Variants in CACNA2D3 observed in about 807,000 individuals in gnomAD.
CACNA2D3 encodes voltage-dependent calcium channel subunit alpha-2/delta-3.
A neutral mutation model predicts 160.6 loss-of-function variants in CACNA2D3; 60 were observed. The observed-to-expected ratio is 0.37, with a 90% CI of 0.30 to 0.46. The LOEUF is 0.46. Among genes scored for constraint, CACNA2D3 ranks in the 20% least tolerant of loss-of-function variants. The probability of loss-of-function intolerance (pLI) is 1.00; values close to 1 mark genes in which losing one functional copy is unlikely to be tolerated. For synonymous variants in CACNA2D3, 558 were observed against 492.9 expected, an observed-to-expected ratio of 1.13 and a Z score of -1.75; for missense variants, 1,205 against 1,365.0, an observed-to-expected ratio of 0.88 and a Z score of 1.85.
intron 2 of CACNA2D3, among the ~76,000 whole-genome samples, chr3:54,236,655 G>T (rs915691356): frequency 2.6e-5 from 4 of 152,086 alleles, no homozygotes; most frequent in Non-Finnish European, 5.9e-5. Flanking sequence ...GAAAATTCTT[G>T]CCGGGGTCAT....
At chr3:54,327,859 T>C (rs928197182) in intron 3 of CACNA2D3, among the ~76,000 whole-genome samples, 1 of 152,192 alleles carries the variant, frequency 6.6e-6, no homozygotes, top group Non-Finnish European at 1.5e-5. Flanking sequence ...TCTAAAACAT[T>C]GGATTATTCT....
intron 4 of CACNA2D3, among the ~76,000 whole-genome samples, chr3:54,499,788 G>A (rs536356999): frequency 2.0e-5 from 3 of 152,150 alleles, no homozygotes; most frequent in East Asian, 3.9e-4. Flanking sequence ...GTGAAGATGT[G>A]TTTTAGGGCC....
At chr3:54,679,683 A>T (rs1451899700) in intron 11 of CACNA2D3, among the ~76,000 whole-genome samples, 1 of 152,370 alleles carries the variant, frequency 6.6e-6, no homozygotes, top group South Asian at 2.1e-4. Context: ...ATTCAGGACC[A>T]TGCAGACCAT....
intron 9 of CACNA2D3, among the ~76,000 whole-genome samples, chr3:54,596,559 A>C (rs1325757605): frequency 6.6e-6 from 1 of 151,996 alleles, no homozygotes; most frequent in African/African-American, 2.4e-5. Flanking sequence ...CCCAGCTTGG[A>C]TGGTTGGATC....
intron 3 of CACNA2D3, among the ~76,000 whole-genome samples, chr3:54,364,416 G>A (rs1437628823): frequency 6.6e-6 from 1 of 152,120 alleles, no homozygotes; most frequent in East Asian, 1.9e-4. Context: ...TGTTTTGTAG[G>A]CTTTAAGAAC....
chr3:54,229,475 G>A (rs1701731874), intron 2 of CACNA2D3, among the ~76,000 whole-genome samples: 1 of 152,136 alleles, frequency 6.6e-6, no homozygotes, highest in African/African-American at 2.4e-5. Flanking sequence ...TTACAGGCGT[G>A]AGCCACCGTG....
At chr3:54,738,322 G>A (rs1358552927) in intron 11 of CACNA2D3, among the ~76,000 whole-genome samples, 1 of 152,136 alleles carries the variant, frequency 6.6e-6, no homozygotes, top group East Asian at 1.9e-4. Flanking sequence ...TCTAGGAAAA[G>A]CTCTAGTCTC....
intron 35 of CACNA2D3, among the ~76,000 whole-genome samples, chr3:55,052,357 TCTAA>T (rs757941735): frequency 6.6e-6 from 1 of 152,006 alleles, no homozygotes; most frequent in Non-Finnish European, 1.5e-5. Context: ...CAAAACATGA[TCTAA>T]CTTTGTGAAT....
intron 4 of CACNA2D3, among the ~76,000 whole-genome samples, chr3:54,452,812 A>G (rs1377820998): frequency 2.6e-5 from 4 of 152,178 alleles, no homozygotes; most frequent in Admixed American, 6.5e-5. Context: ...GGGAAGAATT[A>G]TCCCTTGCCT....
At chr3:54,946,377 G>T (rs1701614851) in intron 27 of CACNA2D3, among the ~76,000 whole-genome samples, 1 of 152,146 alleles carries the variant, frequency 6.6e-6, no homozygotes, top group Admixed American at 6.6e-5. Context: ...AGAGATTTTA[G>T]CCCAGGGAAC....
intron 11 of CACNA2D3, among the ~76,000 whole-genome samples, chr3:54,677,687 T>C (rs1031119511): frequency 6.6e-6 from 1 of 152,124 alleles, no homozygotes; most frequent in Non-Finnish European, 1.5e-5. Context: ...TCATGTTTTA[T>C]TATCATGAAA....
chr3:54,790,998 T>C (rs1702744227), intron 13 of CACNA2D3, among the ~76,000 whole-genome samples: 1 of 152,054 alleles, frequency 6.6e-6, no homozygotes, highest in Admixed American at 6.5e-5. Flanking sequence ...CATTGGCCTA[T>C]CGGTACTTCA....
At chr3:55,053,783 C>A (rs1360920788) in intron 35 of CACNA2D3, among the ~76,000 whole-genome samples, 3 of 151,868 alleles carry the variant, frequency 2.0e-5, no homozygotes, top group Non-Finnish European at 4.4e-5. Flanking sequence ...TCCTTTCTTG[C>A]CTTACTGCAC....
chr3:54,850,717 A>G (rs1203351955), intron 17 of CACNA2D3, among the ~76,000 whole-genome samples: 1 of 152,212 alleles, frequency 6.6e-6, no homozygotes, highest in Admixed American at 6.5e-5. Flanking sequence ...GCAGGGTTCC[A>G]CAGAGGAGCC....
chr3:54,837,826 C>A (rs1013008186), intron 15 of CACNA2D3, among the ~76,000 whole-genome samples: 1 of 152,164 alleles, frequency 6.6e-6, no homozygotes, highest in Non-Finnish European at 1.5e-5. Context: ...GTAAGGAAAT[C>A]AGTCATGGGA....
chr3:54,251,528 C>T (rs1007741409), intron 2 of CACNA2D3, among the ~76,000 whole-genome samples: 2 of 152,184 alleles, frequency 1.3e-5, no homozygotes, highest in Admixed American at 1.3e-4. Context: ...TGAGGATCTG[C>T]AGACGGTGGC....
intron 4 of CACNA2D3, among the ~76,000 whole-genome samples, chr3:54,467,769 G>A (rs1009314339): frequency 6.6e-5 from 10 of 152,128 alleles, no homozygotes; most frequent in Non-Finnish European, 1.2e-4. Flanking sequence ...TGATAGGTAC[G>A]AACTACAGTT....
intron 2 of CACNA2D3, among the ~76,000 whole-genome samples, chr3:54,316,713 C>A (rs746908353): frequency 6.6e-6 from 1 of 152,194 alleles, no homozygotes. Flanking sequence ...GACAACCTGC[C>A]GTAAAGCCAG....
intron 6 of CACNA2D3, 125 bp downstream of exon 6, chr3:54,563,056 C>A: frequency 2.2e-6 from 2 of 896,466 alleles, no homozygotes; most frequent in Non-Finnish European, 3.3e-6. Flanking sequence ...AGATGAATTC[C>A]AAACCTATTG....
Sources: allele counts gnomAD v4.1 joint callset (sites outside exome capture counted in the v4.1 genomes callset), GRCh38; gene constraint gnomAD v4.1.1; transcripts MANE v1.5; gene names NCBI Gene and HGNC (gene_info 2026-07-23, HGNC 2026-07-21).